PSD3: variants seen among roughly 807,000 people sequenced by gnomAD.
PSD3 encodes pleckstrin and Sec7 domain containing 3, also known as PH and SEC7 domain-containing protein 3.
In PSD3, 49 loss-of-function variants were observed where a neutral mutation model predicts 105.5. That is an observed-to-expected ratio of 0.46 (90% CI 0.37 to 0.59). The LOEUF is 0.59. PSD3 is among the 20% of genes least tolerant of loss of function. PSD3 has a pLI of 0.00. For synonymous variants in PSD3, 557 were observed against 457.8 expected, an observed-to-expected ratio of 1.22 and a Z score of -2.77; for missense variants, 1,561 against 1,263.8, an observed-to-expected ratio of 1.24 and a Z score of -3.57.
At chr8:18,758,888 T>C (rs1806277962) in intron 9 of PSD3, among the ~76,000 whole-genome samples, 1 of 152,156 alleles carries the variant, frequency 6.6e-6, no homozygotes, top group Non-Finnish European at 1.5e-5. Context: ...GAATCTTGCC[T>C]AAACTCTGTC....
At chr8:18,774,284 A>G (rs1323253862) in intron 8 of PSD3, among the ~76,000 whole-genome samples, 2 of 152,226 alleles carry the variant, frequency 1.3e-5, no homozygotes, top group Non-Finnish European at 2.9e-5. Flanking sequence ...AGTACATGTG[A>G]TATCTTGATA....
At chr8:18,901,361 TG>T (rs1563400445) in intron 2 of PSD3, among the ~76,000 whole-genome samples, 1 of 152,210 alleles carries the variant, frequency 6.6e-6, no homozygotes, top group Non-Finnish European at 1.5e-5. Flanking sequence ...AGCTGGGTCA[TG>T]TTTTTTCATC....
At chr8:18,655,439 G>T (rs1808819044) in intron 10 of PSD3, among the ~76,000 whole-genome samples, 2 of 152,048 alleles carry the variant, frequency 1.3e-5, no homozygotes, top group Non-Finnish European at 1.5e-5. Context: ...GGATACTCTG[G>T]GTTTACTTGT....
At chr8:18,849,820 G>C (rs980569167) in intron 4 of PSD3, 1 of 152,140 alleles carries the variant, frequency 6.6e-6, no homozygotes, top group African/African-American at 2.4e-5. Flanking sequence ...GTTTCAACCA[G>C]AAGCACATCT....
chr8:18,544,937 T>A (rs1180046193), intron 15 of PSD3, among the ~76,000 whole-genome samples: 1 of 152,162 alleles, frequency 6.6e-6, no homozygotes, highest in Non-Finnish European at 1.5e-5. Context: ...CAGGCCCTGC[T>A]ATTCCTTTCC....
chr8:18,539,780 T>C (rs1800052616), intron 15 of PSD3, among the ~76,000 whole-genome samples: 1 of 152,008 alleles, frequency 6.6e-6, no homozygotes. Context: ...TCTCCTGACC[T>C]CATGATCCGC....
chr8:18,795,189 C>A (rs559434932), intron 8 of PSD3, among the ~76,000 whole-genome samples: 1 of 152,294 alleles, frequency 6.6e-6, no homozygotes, highest in Admixed American at 6.5e-5. Flanking sequence ...ATGGTTTCAA[C>A]CCTTTCCAAA....
At chr8:18,830,510 T>C (rs1813598069) in intron 4 of PSD3, among the ~76,000 whole-genome samples, 1 of 152,214 alleles carries the variant, frequency 6.6e-6, no homozygotes, top group African/African-American at 2.4e-5. Context: ...ACAGGCACAA[T>C]GCAACTTGTT....
At chr8:18,881,532 G>A (rs1445882524) in intron 2 of PSD3, among the ~76,000 whole-genome samples, 5 of 152,234 alleles carry the variant, frequency 3.3e-5, no homozygotes, top group East Asian at 1.9e-4. Context: ...CACATCTACC[G>A]TAGACTCGGT....
chr8:18,994,705 C>A (rs969977238), intron 1 of PSD3, among the ~76,000 whole-genome samples: 30 of 151,654 alleles, frequency 2.0e-4, no homozygotes, highest in African/African-American at 7.3e-4. Context: ...CCATTGATTT[C>A]TTTTTACTTT....
At chr8:18,976,810 G>A (rs111821009) in intron 1 of PSD3, among the ~76,000 whole-genome samples, 5,425 of 152,152 alleles carry the variant, frequency 0.036, 131 homozygotes, top group Non-Finnish European at 0.056. Context: ...CAATATTGCC[G>A]CATTGCTTGT....
At position 18,867,789 on chromosome 8, in the gene PSD3, C is replaced by T; in HGVS notation, c.1519G>A (p.Val507Met). 1 of 1,614,158 alleles carries T rather than the reference C, an allele frequency of 6.2e-7. No individual in the cohort carries two copies. Among genetic ancestry groups the T allele is most frequent in the Non-Finnish European group, 8.5e-7 (1 of 1,180,010 alleles). ...ATCACGATGCCACCATCTGCAGACA[C>T]ACTCAGGATATCCTGATGTCCTCCC... is the stretch of plus-strand genomic sequence containing the variant. ...SGGGHQDILS[V>M]SADGGIVMGY... The change falls in exon 4 of 16, where the codon GTG becomes ATG. Residue 507 changes from valine (V) to methionine (M), a missense_variant. Coordinates refer to ENST00000327040, the MANE Select transcript of PSD3 (RefSeq NM_015310.4).
At chr8:18,770,380 C>T (rs750340202) in intron 8 of PSD3, among the ~76,000 whole-genome samples, 1 of 152,094 alleles carries the variant, frequency 6.6e-6, no homozygotes, top group Admixed American at 6.5e-5. Context: ...ATTTTCTTAT[C>T]ACATATGTAC....
At chr8:18,619,280 C>T (rs1054554310) in intron 11 of PSD3, among the ~76,000 whole-genome samples, 2 of 152,080 alleles carry the variant, frequency 1.3e-5, no homozygotes, top group Non-Finnish European at 2.9e-5. Flanking sequence ...ACCAGCATTA[C>T]GGTTAAAATG....
Position 18,598,621 on chromosome 8 carries a change from CAG to C in PSD3, c.2481+1741_2481+1742del, listed in dbSNP as rs1262650582. Among the ~76,000 whole-genome samples, 4 of 152,130 alleles carry C rather than the reference CAG, an allele frequency of 2.6e-5. No homozygotes were observed. In the East Asian group the frequency reaches 7.7e-4, roughly 29 times the overall value. On this transcript the variant is annotated intron_variant, in intron 12 of 15. Coordinates refer to ENST00000327040, the MANE Select transcript of PSD3 (RefSeq NM_015310.4). The stretch of plus-strand genomic sequence containing the variant: ...TTCATGATTTGAAAAACCCTCAAAA[CAG>C]ATACAGTTTCAAATGATCTTATATG...
chr8:18,675,319 G>A (rs1800008118), intron 9 of PSD3, among the ~76,000 whole-genome samples: 1 of 152,154 alleles, frequency 6.6e-6, no homozygotes, highest in Non-Finnish European at 1.5e-5. Context: ...GAGTAGTAGA[G>A]CTGACGCTGA....
intron 9 of PSD3, among the ~76,000 whole-genome samples, chr8:18,715,332 G>C (rs377618254): frequency 6.6e-6 from 1 of 151,680 alleles, no homozygotes; most frequent in African/African-American, 2.4e-5. Flanking sequence ...CCATTAATAG[G>C]TTACAATCTA....
At chr8:19,073,100 A>T (rs1286333248) in intron 1 of PSD3, among the ~76,000 whole-genome samples, 1 of 151,872 alleles carries the variant, frequency 6.6e-6, no homozygotes, top group African/African-American at 2.4e-5. Flanking sequence ...TTCATGAATA[A>T]CTTATTTTGT....
intron 2 of PSD3, among the ~76,000 whole-genome samples, chr8:18,880,400 G>C (rs1249081355): frequency 1.3e-5 from 2 of 152,166 alleles, no homozygotes; most frequent in African/African-American, 4.8e-5. Context: ...TGTTTGGCAT[G>C]TTAGAAAGCT....
Sources: allele counts gnomAD v4.1 joint callset (sites outside exome capture counted in the v4.1 genomes callset), GRCh38; gene constraint gnomAD v4.1.1; transcripts MANE v1.5; gene names NCBI Gene and HGNC (gene_info 2026-07-23, HGNC 2026-07-21).